Variants in ZNF680 observed in about 807,000 individuals in gnomAD.
The protein encoded by ZNF680 is zinc finger protein 680, also known as hypothetical protein FLJ90430.
In ZNF680, 6 loss-of-function variants were observed where a neutral mutation model predicts 12.1. The ratio of observed to expected loss-of-function variants is 0.49; its 90% CI spans 0.27 to 0.98. The LOEUF (loss-of-function observed/expected upper bound fraction) is 0.98, where lower values mean the gene tolerates loss of function less well. ZNF680 is among the 50% of genes least tolerant of loss of function. The probability of loss-of-function intolerance (pLI) is 0.12; values close to 1 mark genes in which losing one functional copy is unlikely to be tolerated. For missense variants in ZNF680, 561 were observed against 616.3 expected, an observed-to-expected ratio of 0.91 and a Z score of 0.95; for synonymous variants, 170 against 199.3, an observed-to-expected ratio of 0.85 and a Z score of 1.24.
chr7:64,544,545 T>G (rs1257247110), intron 1 of ZNF680, 113 bp from the exon 2 acceptor site: 1 of 1,464,694 alleles, frequency 6.8e-7, no homozygotes, highest in East Asian at 2.5e-5. Flanking sequence ...TATAGAAAAC[T>G]GATTCTGACT....
intron 1 of ZNF680, among the ~76,000 whole-genome samples, chr7:64,556,552 T>C (rs1022864320): frequency 6.6e-6 from 1 of 152,034 alleles, no homozygotes; most frequent in Non-Finnish European, 1.5e-5. Context: ...ATTTAATAAA[T>C]GGTGCTGGAA....
In ZNF680 at chr7:64,521,654, C is replaced by CT; in HGVS notation, c.1099dup (p.Arg367LysfsTer3). 1 of 1,609,358 alleles carries CT rather than the reference C, an allele frequency of 6.2e-7. No individual in the cohort carries two copies. ...CTCTCCAGTATGAATTTTCTTATGT[C>CT]TAGTAAGGTTTGCAAACTGGTTAAA... is the stretch of plus-strand genomic sequence containing the variant. On this transcript the variant is annotated frameshift_variant, in exon 4 of 4. Coordinates refer to ENST00000309683, the MANE Select transcript of ZNF680 (RefSeq NM_178558.5). LOFTEE classifies it low-confidence loss of function (END_TRUNC).
chr7:64,502,223 G>A, the ZNF680 span, among the ~76,000 whole-genome samples: 1 of 151,932 alleles, frequency 6.6e-6, no homozygotes, highest in Admixed American at 6.6e-5. Flanking sequence ...ATGTTGGCCA[G>A]GCTGGTCTTG....
intron 3 of ZNF680, among the ~76,000 whole-genome samples, chr7:64,543,240 G>A (rs1004212103): frequency 4.2e-4 from 64 of 151,822 alleles, no homozygotes; most frequent in African/African-American, 1.4e-3. Flanking sequence ...TTATAATTTC[G>A]AACTATATTT....
rs780398061 is a variant in ZNF680, at chr7:64,521,144, T to C, written c.*17A>G. 7 of 1,586,794 alleles carry C rather than the reference T, an allele frequency of 4.4e-6. 1 individual carries two copies. The South Asian group carries it at 5.8e-5, about 13-fold the overall frequency. ...GGGTTTCTCAACAGGATGGTGTCTTTTATGTTTAGAAAAGTTTTAGGTGTT... is the reference window on the plus strand; with the variant it reads ...GGGTTTCTCAACAGGATGGTGTCTTCTATGTTTAGAAAAGTTTTAGGTGTT... On this transcript the variant is annotated 3_prime_UTR_variant, in exon 4 of 4. Transcript: ENST00000309683.
At chr7:64,537,699 G>A (rs56113865) in intron 3 of ZNF680, among the ~76,000 whole-genome samples, 1,530 of 152,220 alleles carry the variant, frequency 0.01, 26 homozygotes, top group African/African-American at 0.035. Flanking sequence ...AGGCCAAGGC[G>A]GGCAGATCAC....
intron 1 of ZNF680, among the ~76,000 whole-genome samples, chr7:64,549,101 T>C (rs1452952487): frequency 2.9e-5 from 4 of 139,538 alleles, no homozygotes; most frequent in South Asian, 2.3e-4. Flanking sequence ...GCCTGGGCAA[T>C]AGGGTGAGAC....
intron 3 of ZNF680, among the ~76,000 whole-genome samples, chr7:64,528,450 A>C (rs1323620930): frequency 6.6e-6 from 1 of 152,130 alleles, no homozygotes; most frequent in Admixed American, 6.5e-5. Flanking sequence ...CCAGCTTGCT[A>C]ACTGCGTGAA....
At chr7:64,517,077 C>G (rs1791370521), downstream of ZNF680, among the ~76,000 whole-genome samples, 1 of 151,776 alleles carries the variant, frequency 6.6e-6, no homozygotes, top group Admixed American at 6.6e-5. Context: ...CAAACCAAAC[C>G]CAAACCCAGC....
intron 1 of ZNF680, among the ~76,000 whole-genome samples, chr7:64,546,134 T>G (rs1250570122): frequency 6.6e-6 from 1 of 152,180 alleles, no homozygotes; most frequent in Non-Finnish European, 1.5e-5. Context: ...AAGTAAAGGT[T>G]TGCAAGTACT....
the ZNF680 span, among the ~76,000 whole-genome samples, chr7:64,508,147 A>AC: frequency 0.23 from 31,366 of 135,456 alleles, 3,997 homozygotes; most frequent in South Asian, 0.29. Flanking sequence ...ATATATACAT[A>AC]ATTTTTTTTT....
At chr7:64,558,782 CTT>C (rs537638883) in intron 1 of ZNF680, among the ~76,000 whole-genome samples, 2 of 133,544 alleles carry the variant, frequency 1.5e-5, no homozygotes, top group Non-Finnish European at 3.2e-5. Flanking sequence ...AAAGGGGTTG[CTT>C]TTTTTTTTTT....
At chr7:64,545,986 C>T (rs1000316579) in intron 1 of ZNF680, among the ~76,000 whole-genome samples, 16 of 152,180 alleles carry the variant, frequency 1.1e-4, no homozygotes, top group Admixed American at 6.5e-4. Context: ...CTGCATGGCA[C>T]ATAAGAAGCC....
chr7:64,502,031 G>A, the ZNF680 span, among the ~76,000 whole-genome samples: 1 of 129,460 alleles, frequency 7.7e-6, no homozygotes, highest in African/African-American at 3.1e-5. Context: ...CTGAGATGGA[G>A]TCTTGCTCTG....
At chr7:64,562,753 C>A (rs1787815924) in intron 1 of ZNF680, among the ~76,000 whole-genome samples, 172 bp downstream of exon 1, 1 of 152,196 alleles carries the variant, frequency 6.6e-6, no homozygotes, top group African/African-American at 2.4e-5. Context: ...CGGCTGTCAG[C>A]CCAGCCGCCA....
intron 1 of ZNF680, among the ~76,000 whole-genome samples, chr7:64,546,946 G>T (rs973124949): frequency 6.6e-6 from 1 of 151,890 alleles, no homozygotes; most frequent in Non-Finnish European, 1.5e-5. Flanking sequence ...ACTTGACTCT[G>T]TCCTCATTTT....
intron 3 of ZNF680, among the ~76,000 whole-genome samples, chr7:64,528,507 C>T (rs1278351864): frequency 1.3e-5 from 2 of 152,152 alleles, no homozygotes; most frequent in Admixed American, 1.3e-4. Context: ...GTAAGACCAG[C>T]CCTTTGGATT....
intron 1 of ZNF680, 110 bp downstream of exon 1, chr7:64,562,815 C>T (rs62461524): frequency 0.017 from 21,764 of 1,298,978 alleles, 223 homozygotes; most frequent in Non-Finnish European, 0.021. Context: ...ACAACTCGGG[C>T]CGCGGATTTT....
chr7:64,511,595 C>CA, the ZNF680 span, among the ~76,000 whole-genome samples: 4,702 of 149,228 alleles, frequency 0.032, 125 homozygotes, highest in Non-Finnish European at 0.051. Flanking sequence ...AACAAACAAA[C>CA]AAAAAAAAAC....
Sources: allele counts gnomAD v4.1 joint callset (sites outside exome capture counted in the v4.1 genomes callset), GRCh38; gene constraint gnomAD v4.1.1; transcripts MANE v1.5; gene names NCBI Gene and HGNC (gene_info 2026-07-23, HGNC 2026-07-21).